The following RBFOX1 variants were observed in gnomAD, a reference collection of about 807,000 sequenced individuals.
RBFOX1 encodes the protein RNA binding protein fox-1 homolog 1.
Under a neutral mutation model 57.7 loss-of-function variants are expected in RBFOX1, and 8 were observed. That is an observed-to-expected ratio of 0.14 (90% confidence interval 0.08 to 0.25). The LOEUF is 0.25. RBFOX1 is among the 10% of genes least tolerant of loss of function. The probability of loss-of-function intolerance (pLI) is 1.00; values close to 1 mark genes in which losing one functional copy is unlikely to be tolerated. For synonymous variants in RBFOX1, 326 were observed against 222.4 expected, an observed-to-expected ratio of 1.47 and a Z score of -4.15; for missense variants, 611 against 548.5, an observed-to-expected ratio of 1.11 and a Z score of -1.14.
At chr16:6,855,855 C>G (rs1029312009) in intron 3 of RBFOX1, among the ~76,000 whole-genome samples, 1 of 150,452 alleles carries the variant, frequency 6.6e-6, no homozygotes, top group Non-Finnish European at 1.5e-5. Context: ...CTTTCCCTCC[C>G]TTCCTTTCTT....
intron 1 of RBFOX1, among the ~76,000 whole-genome samples, chr16:5,343,330 T>C (rs541723308): frequency 6.6e-6 from 1 of 151,510 alleles, no homozygotes; most frequent in East Asian, 1.9e-4. Flanking sequence ...GTTTTGTTTT[T>C]TTGAGATGGA....
intron 3 of RBFOX1, among the ~76,000 whole-genome samples, chr16:6,703,234 A>C (rs1326772675): frequency 6.6e-6 from 1 of 152,108 alleles, no homozygotes; most frequent in African/African-American, 2.4e-5. Flanking sequence ...TCTATTAATT[A>C]CTTATTATTA....
chr16:6,820,110 A>C (rs1296503457), intron 3 of RBFOX1, among the ~76,000 whole-genome samples: 1 of 152,156 alleles, frequency 6.6e-6, no homozygotes, highest in Non-Finnish European at 1.5e-5. Context: ...AAGTCTCATG[A>C]AATCTGATGG....
Position 6,319,735 on chromosome 16 carries a change from G to C in RBFOX1, c.-64+2678G>C, listed in dbSNP as rs147758447. ...CACATCCCTTTGTTGTTATCTGTGT[G>C]CTAAGAGGAAAGCCACAGAAAGCTC... On this transcript the variant is annotated intron_variant, in intron 2 of 15. Coordinates refer to ENST00000550418, the MANE Select transcript of RBFOX1 (RefSeq NM_018723.4). Among the ~76,000 whole-genome samples the C allele has an allele frequency of 4.7e-3, 709 of 152,262 alleles. 4 individuals are homozygous for C. The highest frequency in any genetic ancestry group is 0.016 in the African/African-American group (685 of 41,560).
In RBFOX1 at chr16:6,975,671, A is replaced by T. The variant is rs1251741871; in HGVS notation, c.-15-76386A>T. 2.0e-5 allele frequency among the ~76,000 whole-genome samples: 3 copies of T among 152,202 alleles called. No homozygotes were observed. In the East Asian group the frequency reaches 5.8e-4, roughly 29 times the overall value. On this transcript the variant is annotated intron_variant, in intron 3 of 15. Transcript: ENST00000550418. ...GCCACATGATCAGAATTTCAGCCCAAGTTCATAAATATCTTCCCTTGGAAC... is the reference window on the plus strand; with the variant it reads ...GCCACATGATCAGAATTTCAGCCCATGTTCATAAATATCTTCCCTTGGAAC...
chr16:6,867,027 A>C (rs1162723323), intron 3 of RBFOX1, among the ~76,000 whole-genome samples: 1 of 152,012 alleles, frequency 6.6e-6, no homozygotes, highest in Non-Finnish European at 1.5e-5. Flanking sequence ...AAAAAAAAAA[A>C]AAAAAACTTC....
At chr16:7,179,853 G>T (rs1460807408) in intron 4 of RBFOX1, among the ~76,000 whole-genome samples, 1 of 151,726 alleles carries the variant, frequency 6.6e-6, no homozygotes, top group African/African-American at 2.4e-5. Context: ...TCCTGCCTCA[G>T]CCTCCTGAAT....
chr16:7,606,554 G>C (rs2095293724), intron 9 of RBFOX1, among the ~76,000 whole-genome samples: 1 of 152,182 alleles, frequency 6.6e-6, no homozygotes, highest in Non-Finnish European at 1.5e-5. Flanking sequence ...TCCAATTTGA[G>C]AATATTCTTG....
chr16:6,598,972 C>T (rs978317212), intron 2 of RBFOX1, among the ~76,000 whole-genome samples: 6 of 151,818 alleles, frequency 4.0e-5, no homozygotes, highest in African/African-American at 1.5e-4. Flanking sequence ...AAAACAAACT[C>T]CTCTGTTTCC....
chr16:7,362,370 T>C (rs2097343624), intron 4 of RBFOX1, among the ~76,000 whole-genome samples: 1 of 151,902 alleles, frequency 6.6e-6, no homozygotes. Context: ...TATGCTAGTG[T>C]GTGTGTATGT....
rs59148096 is a variant in RBFOX1, at chr16:7,110,187, CAAAA to C, written c.27+58103_27+58106del. Among the ~76,000 whole-genome samples, 218 of 135,162 alleles carry C rather than the reference CAAAA, an allele frequency of 1.6e-3. 2 individuals are homozygous for C. In the South Asian group the frequency reaches 0.018, roughly 11 times the overall value. 88.7% of individuals were successfully genotyped at this position (135,162 alleles called of 152,430 possible). A position where few individuals can be genotyped will look rare whatever the true frequency, so the allele number is the denominator to read the frequency against. Reference sequence around the variant, plus strand: ...CAACATAGCGAGACCCCCCGTGTCTCAAAAAAAAAAAAAAAAAGAAAAAATAGCC... The same window carrying C: ...CAACATAGCGAGACCCCCCGTGTCTCAAAAAAAAAAAAAGAAAAAATAGCC... On this transcript the variant is annotated intron_variant, in intron 4 of 15. Transcript: ENST00000550418.
intron 1 of RBFOX1, among the ~76,000 whole-genome samples, chr16:6,045,518 C>T (rs1567325217): frequency 6.6e-6 from 1 of 152,188 alleles, no homozygotes; most frequent in Non-Finnish European, 1.5e-5. Context: ...TGCATTCATT[C>T]ATTCATTTGT....
At chr16:6,544,985 T>G (rs1478345036) in intron 2 of RBFOX1, among the ~76,000 whole-genome samples, 1 of 152,198 alleles carries the variant, frequency 6.6e-6, no homozygotes, top group Non-Finnish European at 1.5e-5. Flanking sequence ...GTTATTCAGT[T>G]TAAACTAATA....
At chr16:5,389,438 A>T (rs567621093) in intron 1 of RBFOX1, among the ~76,000 whole-genome samples, 1 of 152,062 alleles carries the variant, frequency 6.6e-6, no homozygotes, top group African/African-American at 2.4e-5. Flanking sequence ...TGATGCAAAT[A>T]GCGCTTCCCA....
At chr16:7,677,516 G>A (rs1012452521) in intron 14 of RBFOX1, among the ~76,000 whole-genome samples, 5 of 152,110 alleles carry the variant, frequency 3.3e-5, no homozygotes, top group African/African-American at 9.7e-5. Flanking sequence ...GGCAGGTTGC[G>A]GGGGTGGGGT....
intron 1 of RBFOX1, among the ~76,000 whole-genome samples, chr16:6,146,261 G>A (rs764888189): frequency 1.3e-5 from 2 of 152,148 alleles, no homozygotes; most frequent in African/African-American, 4.8e-5. Context: ...ACAGCAGATA[G>A]GAATCCACGC....
At chr16:6,949,046 C>T (rs946170380) in intron 3 of RBFOX1, among the ~76,000 whole-genome samples, 36 of 152,158 alleles carry the variant, frequency 2.4e-4, no homozygotes, top group African/African-American at 7.7e-4. Flanking sequence ...GAGTGTGATT[C>T]GTAAAAGGGA....
At chr16:7,474,665 C>A (rs756309110) in intron 4 of RBFOX1, among the ~76,000 whole-genome samples, 1 of 152,186 alleles carries the variant, frequency 6.6e-6, no homozygotes, top group Non-Finnish European at 1.5e-5. Context: ...TCCCTTATTA[C>A]TTGTGTAACT....
intron 3 of RBFOX1, among the ~76,000 whole-genome samples, chr16:5,660,593 G>A (rs942706792): frequency 6.6e-6 from 1 of 152,120 alleles, no homozygotes; most frequent in Admixed American, 6.5e-5. Context: ...GGAATTTATG[G>A]TTGCCGTTTG....
Sources: gnomAD v4.1 joint callset for allele counts (sites outside exome capture counted in the v4.1 genomes callset) on GRCh38, gnomAD v4.1.1 for gene constraint, MANE v1.5 for transcripts, NCBI Gene and HGNC (gene_info 2026-07-23, HGNC 2026-07-21) for gene names.